The following MYO3B variants were observed in gnomAD, a reference collection of about 807,000 sequenced individuals.
The protein encoded by MYO3B is myosin IIIB, also known as myosin-IIIb.
Under a neutral mutation model 174.6 loss-of-function variants are expected in MYO3B, and 156 were observed. That is an observed-to-expected ratio of 0.89 (90% CI 0.78 to 1.02). MYO3B has a LOEUF of 1.02. Ranked by LOEUF, MYO3B falls within the 50% of genes least tolerant of loss-of-function variation. MYO3B has a pLI of 0.00. For synonymous variants in MYO3B, 563 were observed against 569.1 expected (o/e 0.99, Z 0.15); for missense variants, 1,632 against 1,639.4 (o/e 1.00, Z 0.08).
intron 25 of MYO3B, among the ~76,000 whole-genome samples, chr2:170,473,790 T>C (rs1257198207): frequency 1.3e-5 from 2 of 152,100 alleles, no homozygotes; most frequent in Non-Finnish European, 2.9e-5. Flanking sequence ...ATAAGCTTAA[T>C]AGGACAAGGA....
chr2:170,561,667 G>A (rs148640527), intron 32 of MYO3B, among the ~76,000 whole-genome samples: 241 of 152,268 alleles, frequency 1.6e-3, no homozygotes, highest in African/African-American at 5.6e-3. Context: ...TTTTATGTTT[G>A]GGAAGCTTGA....
chr2:170,376,342 C>T (rs960230605), intron 9 of MYO3B, among the ~76,000 whole-genome samples: 5 of 152,078 alleles, frequency 3.3e-5, no homozygotes, highest in Non-Finnish European at 5.9e-5. Context: ...AATAAAAGTC[C>T]CTCTTTCATT....
chr2:170,253,214 G>A (rs2105334398), intron 7 of MYO3B, among the ~76,000 whole-genome samples: 1 of 152,308 alleles, frequency 6.6e-6, no homozygotes, highest in Middle Eastern at 3.4e-3. Flanking sequence ...GGACCAAGGT[G>A]AAGGTAGTGA....
At chr2:170,440,389 T>C (rs149305435) in intron 22 of MYO3B, among the ~76,000 whole-genome samples, 3 of 152,198 alleles carry the variant, frequency 2.0e-5, no homozygotes, top group Non-Finnish European at 4.4e-5. Context: ...ATTTTAACAA[T>C]GTTAAGTCTT....
In MYO3B at chr2:170,466,428, G is replaced by A. The variant is rs6744492; in HGVS notation, c.2809-78G>A. On this transcript the variant is annotated intron_variant, in intron 24 of 34. Coordinates refer to ENST00000408978, the MANE Select transcript of MYO3B (RefSeq NM_138995.5). ...TCTGTGAGCCTCGAACTGCTCCAGA[G>A]GCTTCTGCGGGCCTGTGTTGTAACT... 4,300 of 1,350,760 alleles carry A rather than the reference G, an allele frequency of 3.2e-3. 104 individuals carry two copies. In the African/African-American group the frequency reaches 0.055, roughly 17 times the overall value. 83.7% of individuals were successfully genotyped at this position (1,350,760 alleles called of 1,614,324 possible).
intron 7 of MYO3B, among the ~76,000 whole-genome samples, chr2:170,273,032 G>A (rs755849902): frequency 1.6e-4 from 24 of 152,078 alleles, no homozygotes; most frequent in Non-Finnish European, 3.2e-4. Context: ...ATGGGTTGGG[G>A]TGGGGTAGTG....
At chr2:170,544,338 A>G (rs773625448) in intron 32 of MYO3B, among the ~76,000 whole-genome samples, 2 of 152,220 alleles carry the variant, frequency 1.3e-5, no homozygotes, top group Non-Finnish European at 2.9e-5. Context: ...GATAAAGAAT[A>G]TGGATTTAGA....
At chr2:170,574,695 A>G (rs898481829) in intron 32 of MYO3B, among the ~76,000 whole-genome samples, 1 of 152,190 alleles carries the variant, frequency 6.6e-6, no homozygotes, top group African/African-American at 2.4e-5. Context: ...TGGCTGGTTC[A>G]TATATACAGC....
intron 8 of MYO3B, among the ~76,000 whole-genome samples, 179 bp downstream of exon 8, chr2:170,335,629 C>T (rs1286318646): frequency 6.6e-6 from 1 of 152,142 alleles, no homozygotes; most frequent in African/African-American, 2.4e-5. Context: ...AAAAGTAAGG[C>T]GTTCCATTTG....
intron 32 of MYO3B, chr2:170,640,504 GTGGGACA>G (rs1697880515): frequency 6.6e-6 from 1 of 152,200 alleles, no homozygotes; most frequent in Non-Finnish European, 1.5e-5. Flanking sequence ...TTCTCAAAGT[GTGGGACA>G]TGGGCCACTA....
At position 170,474,869 on chromosome 2, in the gene MYO3B, A is replaced by G. The variant is rs181113502; in HGVS notation, c.3014+8158A>G. ...TTCAGAAAGGTTCACCTTAGCCCAG[A>G]TATCTACCTATAGGAGCCCTTTAAT... is the stretch of plus-strand genomic sequence containing the variant. On this transcript the variant is annotated intron_variant, in intron 25 of 34. Transcript: ENST00000408978. Among the ~76,000 whole-genome samples the G allele has an allele frequency of 1.1e-4, 17 of 151,454 alleles. No homozygotes were observed. The East Asian group carries it at 2.9e-3, about 26-fold the overall frequency.
intron 7 of MYO3B, among the ~76,000 whole-genome samples, chr2:170,247,672 T>TCAA: frequency 6.6e-6 from 1 of 152,300 alleles, no homozygotes; most frequent in Non-Finnish European, 1.5e-5. Context: ...TGGTGTCTGA[T>TCAA]GAGGGCTCAC....
At chr2:170,453,441 CACACACACACACGA>C (rs1306112428) in intron 23 of MYO3B, among the ~76,000 whole-genome samples, 34 of 134,020 alleles carry the variant, frequency 2.5e-4, no homozygotes, top group Admixed American at 7.5e-4. Flanking sequence ...CACACACACA[CACACACACACACGA>C]GAGAGAGAGA....
Position 170,295,532 on chromosome 2 carries a change from C to G in MYO3B, c.750-39853C>G, listed in dbSNP as rs78155410. 4.5e-3 allele frequency among the ~76,000 whole-genome samples: 686 copies of G among 152,134 alleles called. 8 individuals are homozygous for G. The highest frequency in any genetic ancestry group is 0.038 in the East Asian group (197 of 5,184). On this transcript the variant is annotated intron_variant, in intron 7 of 34. Coordinates refer to ENST00000408978, the MANE Select transcript of MYO3B (RefSeq NM_138995.5). ...ATATGGGACTTAAAAAGCTTTAACT[C>G]TAGAAATCTCTCAATTCATCCATGT...
At chr2:170,445,754 C>A (rs1253897947) in intron 23 of MYO3B, among the ~76,000 whole-genome samples, 4 of 152,140 alleles carry the variant, frequency 2.6e-5, no homozygotes, top group Admixed American at 2.6e-4. Context: ...CCACCTCAGC[C>A]TCCAGAATAG....
At chr2:170,294,519 G>C (rs2093616612) in intron 7 of MYO3B, among the ~76,000 whole-genome samples, 1 of 151,820 alleles carries the variant, frequency 6.6e-6, no homozygotes, top group African/African-American at 2.4e-5. Flanking sequence ...ACTGTGATTT[G>C]TGTGAATTCA....
intron 8 of MYO3B, among the ~76,000 whole-genome samples, chr2:170,360,360 G>T (rs1339049187): frequency 6.6e-6 from 1 of 152,166 alleles, no homozygotes; most frequent in South Asian, 2.1e-4. Context: ...TCAAAGAAAT[G>T]AGCCAGACAT....
At chr2:170,636,227 TGCCAATAACTGGTTCATCATG>T (rs1432217958) in intron 32 of MYO3B, among the ~76,000 whole-genome samples, 1 of 152,102 alleles carries the variant, frequency 6.6e-6, no homozygotes, top group East Asian at 1.9e-4. Context: ...CCAACCCAGG[TGCCAATAACTGGTTCATCATG>T]GCCAGAAACA....
chr2:170,383,197 A>G lies in MYO3B; in HGVS notation c.1185+8A>G. 4 of 1,505,278 alleles carry G rather than the reference A, an allele frequency of 2.7e-6. No individual in the cohort carries two copies. The highest frequency in any genetic ancestry group is 3.7e-6 in the Non-Finnish European group (4 of 1,081,820). The allele number at this position is 1,505,278 out of a possible 1,614,324, so 93.2% of individuals were successfully genotyped here. ...AGCATATACTCTCCACAGGTAAGGG[A>G]TGTTTTAAGAGCATACTGCTCCTTA... On this transcript the variant is annotated splice_region_variant and intron_variant, in intron 11 of 34. Transcript: ENST00000408978.
Sources: allele counts gnomAD v4.1 joint callset (sites outside exome capture counted in the v4.1 genomes callset), GRCh38; gene constraint gnomAD v4.1.1; transcripts MANE v1.5; gene names NCBI Gene and HGNC (gene_info 2026-07-23, HGNC 2026-07-21).